Variants in MEGF10 observed in about 807,000 individuals in gnomAD.
MEGF10 encodes the protein multiple EGF like domains 10, also known as multiple epidermal growth factor-like domains protein 10.
In MEGF10, 86 loss-of-function variants were observed where a neutral mutation model predicts 147.5. That is an observed-to-expected ratio of 0.58 (90% CI 0.49 to 0.70). MEGF10 has a LOEUF of 0.70. MEGF10 is among the 30% of genes least tolerant of loss of function. The probability of loss-of-function intolerance (pLI) is 0.00; values close to 1 mark genes in which losing one functional copy is unlikely to be tolerated. For missense variants in MEGF10, 1,329 were observed against 1,487.3 expected (o/e 0.89, Z 1.75); for synonymous variants, 478 against 525.5 (o/e 0.91, Z 1.24).
chr5:127,381,844 T>C (rs1203867683), intron 5 of MEGF10, among the ~76,000 whole-genome samples: 4 of 152,136 alleles, frequency 2.6e-5, no homozygotes, highest in Non-Finnish European at 5.9e-5. Flanking sequence ...CTAATTTTTG[T>C]ATTTTTAGTA....
At chr5:127,361,900 G>A (rs1458711947) in intron 4 of MEGF10, among the ~76,000 whole-genome samples, 7 of 152,056 alleles carry the variant, frequency 4.6e-5, no homozygotes, top group East Asian at 1.9e-4. Context: ...CTTTGCATGC[G>A]TTGAATCTTT....
chr5:127,432,238 C>T, intron 13 of MEGF10, among the ~76,000 whole-genome samples: 1 of 152,180 alleles, frequency 6.6e-6, no homozygotes, highest in Non-Finnish European at 1.5e-5. Flanking sequence ...TCTTGCTATT[C>T]CAGTGTTCAC....
At chr5:127,270,831 T>A in the MEGF10 span, among the ~76,000 whole-genome samples, 6 of 152,328 alleles carry the variant, frequency 3.9e-5, no homozygotes, top group South Asian at 1.2e-3. Flanking sequence ...TTTGGTTATA[T>A]TTTCCTGCAT....
chr5:127,238,886 A>T, the MEGF10 span, among the ~76,000 whole-genome samples: 1 of 150,152 alleles, frequency 6.7e-6, no homozygotes, highest in African/African-American at 2.5e-5. Flanking sequence ...ACAGTAATGG[A>T]TTATGTCTAT....
At chr5:127,334,292 A>G (rs1387501478) in intron 2 of MEGF10, among the ~76,000 whole-genome samples, 1 of 152,092 alleles carries the variant, frequency 6.6e-6, no homozygotes, top group Non-Finnish European at 1.5e-5. Context: ...GAACCATGCA[A>G]TCACCTGGAG....
the MEGF10 span, among the ~76,000 whole-genome samples, chr5:127,236,208 T>C: frequency 2.0e-5 from 3 of 152,162 alleles, no homozygotes; most frequent in Non-Finnish European, 2.9e-5. Flanking sequence ...CTTGACCTTA[T>C]GATCTGCCCA....
At chr5:127,249,103 TTGAC>T in the MEGF10 span, among the ~76,000 whole-genome samples, 2 of 151,950 alleles carry the variant, frequency 1.3e-5, no homozygotes, top group African/African-American at 4.8e-5. Context: ...TAAAACATAA[TTGAC>T]TGGTTCAAGC....
At chr5:127,444,208 T>C (rs976594646) in intron 19 of MEGF10, among the ~76,000 whole-genome samples, 1 of 152,210 alleles carries the variant, frequency 6.6e-6, no homozygotes, top group African/African-American at 2.4e-5. Context: ...GCAGTTGGGC[T>C]ATAAAAGGCT....
chr5:127,318,321 C>T (rs1760646323), intron 1 of MEGF10, among the ~76,000 whole-genome samples: 1 of 152,140 alleles, frequency 6.6e-6, no homozygotes, highest in East Asian at 1.9e-4. Context: ...ACCTAACACA[C>T]CCATTGTATC....
intron 5 of MEGF10, among the ~76,000 whole-genome samples, chr5:127,390,296 T>TA (rs1390644579): frequency 7.0e-6 from 1 of 142,292 alleles, no homozygotes; most frequent in African/African-American, 2.5e-5. Context: ...ATGGGGCATC[T>TA]TTTTTTTTTT....
At chr5:127,270,310 C>T in the MEGF10 span, among the ~76,000 whole-genome samples, 1 of 152,052 alleles carries the variant, frequency 6.6e-6, no homozygotes, top group Non-Finnish European at 1.5e-5. Flanking sequence ...GAGTCAAGAC[C>T]CATCAGTGTG....
the MEGF10 span, among the ~76,000 whole-genome samples, chr5:127,278,938 G>C: frequency 1.3e-5 from 2 of 152,156 alleles, no homozygotes; most frequent in Admixed American, 1.3e-4. Flanking sequence ...CTTAGTACTA[G>C]TAGTCATGAA....
chr5:127,347,531 T>C (rs1761934416), intron 4 of MEGF10, among the ~76,000 whole-genome samples: 1 of 152,040 alleles, frequency 6.6e-6, no homozygotes, highest in Non-Finnish European at 1.5e-5. Flanking sequence ...ATAGTTATGT[T>C]AGGGAGTTAG....
At chr5:127,389,638 G>C (rs1404001505) in intron 5 of MEGF10, among the ~76,000 whole-genome samples, 1 of 152,218 alleles carries the variant, frequency 6.6e-6, no homozygotes, top group Non-Finnish European at 1.5e-5. Context: ...GATGGAGCTG[G>C]AGGCCATTAT....
At chr5:127,336,368 A>T (rs1053969555) in intron 2 of MEGF10, among the ~76,000 whole-genome samples, 1 of 151,946 alleles carries the variant, frequency 6.6e-6, no homozygotes, top group Admixed American at 6.6e-5. Flanking sequence ...TTAGGTTGAG[A>T]GCTCCTTGAG....
chr5:127,424,187 T>G (rs1765128173), intron 13 of MEGF10, among the ~76,000 whole-genome samples: 1 of 152,230 alleles, frequency 6.6e-6, no homozygotes, highest in Non-Finnish European at 1.5e-5. Context: ...TCCATAAATG[T>G]GAGAGGATTT....
intron 4 of MEGF10, among the ~76,000 whole-genome samples, chr5:127,342,105 T>A (rs1163481285): frequency 6.6e-6 from 1 of 152,228 alleles, no homozygotes; most frequent in African/African-American, 2.4e-5. Context: ...CTTTGATTAA[T>A]AATGATGCTG....
At chr5:127,435,634 T>C in intron 16 of MEGF10, 145 bp downstream of exon 16, 1 of 878,826 alleles carries the variant, frequency 1.1e-6, no homozygotes, top group Non-Finnish European at 1.6e-6. Flanking sequence ...ATTCTTTTTT[T>C]AAAATTCTTT....
At chr5:127,442,085 A>G (rs1250595362) in intron 18 of MEGF10, among the ~76,000 whole-genome samples, 1 of 152,224 alleles carries the variant, frequency 6.6e-6, no homozygotes, top group Non-Finnish European at 1.5e-5. Context: ...CTAAATATGC[A>G]TGGAAACCAG....
Sources: gnomAD v4.1 joint callset for allele counts (sites outside exome capture counted in the v4.1 genomes callset) on GRCh38, gnomAD v4.1.1 for gene constraint, MANE v1.5 for transcripts, NCBI Gene and HGNC (gene_info 2026-07-23, HGNC 2026-07-21) for gene names.